The following NAV1 variants were observed in gnomAD, a reference collection of about 807,000 sequenced individuals.
The protein encoded by NAV1 is pore membrane and/or filament interacting like protein 3.
A neutral mutation model predicts 175.2 loss-of-function variants in NAV1; 18 were observed. The ratio of observed to expected loss-of-function variants is 0.10; its 90% CI spans 0.07 to 0.15. The LOEUF (loss-of-function observed/expected upper bound fraction) is 0.15. NAV1 is among the 10% of genes least tolerant of loss of function. The pLI, the probability that NAV1 is intolerant of heterozygous loss-of-function variation, is 1.00. For synonymous variants in NAV1, 897 were observed against 978.7 expected (o/e 0.92, Z 1.56); for missense variants, 1,731 against 2,436.6 (o/e 0.71, Z 6.10).
chr1:201,721,377 T>A (rs964014467), intron 3 of NAV1, among the ~76,000 whole-genome samples: 5 of 152,226 alleles, frequency 3.3e-5, no homozygotes, highest in African/African-American at 9.6e-5. Flanking sequence ...CAACTTATAA[T>A]CCCCAGTAAT....
intron 1 of NAV1, among the ~76,000 whole-genome samples, chr1:201,548,500 G>T (rs917758425): frequency 6.6e-6 from 1 of 152,166 alleles, no homozygotes; most frequent in African/African-American, 2.4e-5. Context: ...GTTTGAGGTT[G>T]CAGTGAGCTA....
intron 2 of NAV1, among the ~76,000 whole-genome samples, chr1:201,599,632 T>A (rs192800073): frequency 6.6e-6 from 1 of 152,258 alleles, no homozygotes; most frequent in Admixed American, 6.5e-5. Context: ...CTTCTCTCCA[T>A]GAATTTTGCG....
chr1:201,783,978 T>A, intron 7 of NAV1, 126 bp downstream of exon 11: 1 of 817,602 alleles, frequency 1.2e-6, no homozygotes, highest in Non-Finnish European at 1.9e-6. Flanking sequence ...ATATATTAAG[T>A]AATTTAATTT....
chr1:201,809,226 G>C, exon 21 of NAV1: 1 of 1,613,966 alleles, frequency 6.2e-7, no homozygotes, highest in Non-Finnish European at 8.5e-7. Flanking sequence ...CCTCCGGGTG[G>C]TGGTGAGGAT....
intron 25 of NAV1, 69 bp from the exon 30 acceptor site, chr1:201,811,834 G>C (rs1027662558): frequency 1.9e-6 from 3 of 1,612,408 alleles, no homozygotes; most frequent in African/African-American, 2.7e-5. Flanking sequence ...CCTATGAGTT[G>C]TGTGCATGTG....
intron 2 of NAV1, among the ~76,000 whole-genome samples, chr1:201,616,251 C>T (rs185771633): frequency 6.6e-6 from 1 of 152,256 alleles, no homozygotes; most frequent in African/African-American, 2.4e-5. Context: ...ATTCTGGCTC[C>T]AGAGTATATT....
At chr1:201,816,184 C>A (rs1046042322) in intron 28 of NAV1, among the ~76,000 whole-genome samples, 2 of 152,008 alleles carry the variant, frequency 1.3e-5, no homozygotes, top group African/African-American at 4.8e-5. Flanking sequence ...CCAATCTGAC[C>A]AACATGATGA....
intron 15 of NAV1, among the ~76,000 whole-genome samples, chr1:201,800,635 G>A (rs1482013491): frequency 6.6e-6 from 1 of 152,052 alleles, no homozygotes; most frequent in Non-Finnish European, 1.5e-5. Context: ...AGGGTATATG[G>A]TGAAATATAA....
chr1:201,642,666 C>T (rs72739965), intron 2 of NAV1, among the ~76,000 whole-genome samples: 6,796 of 135,820 alleles, frequency 0.05, 236 homozygotes, highest in Non-Finnish European at 0.076. Flanking sequence ...TCCTTCCCTT[C>T]CTTCCCTCCC....
At chr1:201,605,313 C>T (rs1187912196) in intron 2 of NAV1, among the ~76,000 whole-genome samples, 1 of 151,804 alleles carries the variant, frequency 6.6e-6, no homozygotes, top group Admixed American at 6.6e-5. Flanking sequence ...CCTACCTGCC[C>T]CATTGTGTTA....
At chr1:201,642,694 TTC>T (rs113181447) in intron 2 of NAV1, among the ~76,000 whole-genome samples, 57,540 of 140,714 alleles carry the variant, frequency 0.41, 12,294 homozygotes, top group South Asian at 0.47. Flanking sequence ...CTTCCCTTTC[TTC>T]TCTCTCTTTC....
At chr1:201,687,760 A>G (rs966360755) in intron 1 of NAV1, among the ~76,000 whole-genome samples, 24 of 152,314 alleles carry the variant, frequency 1.6e-4, no homozygotes, top group African/African-American at 5.8e-4. Context: ...ACTAGTGAAC[A>G]TGGTGCCCCA....
intron 1 of NAV1, among the ~76,000 whole-genome samples, chr1:201,706,935 C>A (rs962630742): frequency 5.9e-5 from 9 of 152,068 alleles, no homozygotes; most frequent in Admixed American, 2.0e-4. Context: ...GGGTTATTAC[C>A]CTCGGTTGAA....
At position 201,676,271 on chromosome 1, in the gene NAV1, G is replaced by C. The variant is rs949834534; in HGVS notation, c.757+26846G>C. On this transcript the variant is annotated intron_variant, in intron 1 of 29. Transcript: ENST00000367296. Reference sequence around the variant, plus strand: ...CAGCCACTCCCTCTGCTTTTAAGAGGAAGCTTTAGCCTGAGAAAGTTTGAC... The same window carrying C: ...CAGCCACTCCCTCTGCTTTTAAGAGCAAGCTTTAGCCTGAGAAAGTTTGAC... 2.6e-5 allele frequency among the ~76,000 whole-genome samples: 4 copies of C among 152,204 alleles called. No homozygotes were observed. The East Asian group carries it at 7.7e-4, about 29-fold the overall frequency.
chr1:201,619,559 A>T (rs576760722), upstream of NAV1, among the ~76,000 whole-genome samples: 1 of 152,354 alleles, frequency 6.6e-6, no homozygotes, highest in South Asian at 2.1e-4. Context: ...CCAGATTCTC[A>T]CAGCTGCAGG....
At chr1:201,759,299 G>A (rs2102627629) in intron 3 of NAV1, among the ~76,000 whole-genome samples, 1 of 152,336 alleles carries the variant, frequency 6.6e-6, no homozygotes, top group East Asian at 1.9e-4. Flanking sequence ...ATTAGTTAGT[G>A]AAGAAGTGGA....
chr1:201,546,401 G>A (rs906202088), intron 1 of NAV1, among the ~76,000 whole-genome samples: 3 of 152,184 alleles, frequency 2.0e-5, no homozygotes, highest in Non-Finnish European at 4.4e-5. Context: ...CAGTTCCCAG[G>A]GGGAGGGGAA....
chr1:201,740,884 T>C lies in NAV1; in HGVS notation c.1226+22129T>C, dbSNP rs951761961. Among the ~76,000 whole-genome samples the C allele has an allele frequency of 6.6e-6, 1 of 151,908 alleles. No homozygotes were observed. Among genetic ancestry groups the C allele is most frequent in the African/African-American group, 2.4e-5 (1 of 41,328 alleles). ...GGAGAATTAGGAAATTCCACCGGCC[T>C]GAGAAAGGGGGCTGGGGTTTCTGGG... is the stretch of plus-strand genomic sequence containing the variant. On this transcript the variant is annotated intron_variant, in intron 3 of 29. Coordinates refer to ENST00000367296, the Ensembl canonical transcript of NAV1. This position sits in a 1 kb window ranked among gnomAD's most constrained non-coding sequence, Gnocchi z 4.7.
intron 1 of NAV1, among the ~76,000 whole-genome samples, chr1:201,684,411 C>G (rs985561314): frequency 5.3e-5 from 8 of 150,998 alleles, no homozygotes; most frequent in African/African-American, 1.7e-4. Flanking sequence ...TTAGTTAATA[C>G]TGATGTCTGC....
Sources: gnomAD v4.1 joint callset for allele counts (sites outside exome capture counted in the v4.1 genomes callset) on GRCh38, gnomAD v4.1.1 for gene constraint, Gnocchi (gnomAD v3.1) non-coding constraint, MANE v1.5 for transcripts, NCBI Gene and HGNC (gene_info 2026-07-23, HGNC 2026-07-21) for gene names.